The following POTEC variants were observed in gnomAD, a reference collection of about 807,000 sequenced individuals.
POTEC encodes POTE ankyrin domain family member C.
Under a neutral mutation model 62.0 loss-of-function variants are expected in POTEC, and 35 were observed. The ratio of observed to expected loss-of-function variants is 0.56; its 90% confidence interval spans 0.43 to 0.75. The LOEUF (loss-of-function observed/expected upper bound fraction) is 0.75, where lower values mean the gene tolerates loss of function less well. Ranked by LOEUF, POTEC falls within the 30% of genes least tolerant of loss-of-function variation. The pLI, the probability that POTEC is intolerant of heterozygous loss-of-function variation, is 0.00. For synonymous variants in POTEC, 156 were observed against 221.5 expected (o/e 0.70, Z 2.62); for missense variants, 472 against 655.9 (o/e 0.72, Z 3.06).
chr18:14,537,512 A>G (rs976081485), intron 3 of POTEC, among the ~76,000 whole-genome samples: 3 of 152,086 alleles, frequency 2.0e-5, no homozygotes, highest in African/African-American at 4.8e-5. Context: ...TTCGTTAGGG[A>G]AAAAAAAGTT....
chr18:14,543,191 C>T lies in POTEC; in HGVS notation c.-45G>A, dbSNP rs764078720. ...GAGGCCGGTAGTAGCGAACAGATCGCGTCTACCAACCAGTTTCACCAACTA... is the reference window on the plus strand; with the variant it reads ...GAGGCCGGTAGTAGCGAACAGATCGTGTCTACCAACCAGTTTCACCAACTA... On this transcript the variant is annotated 5_prime_UTR_variant, in exon 1 of 11. Coordinates refer to ENST00000358970, the MANE Select transcript of POTEC (RefSeq NM_001137671.2). 6.2e-5 allele frequency: 100 copies of T among 1,611,570 alleles called. No homozygotes were observed. Among genetic ancestry groups the T allele is most frequent in the Middle Eastern group, 1.7e-4 (1 of 5,840 alleles).
chr18:14,540,764 G>C (rs1214548313), intron 1 of POTEC, among the ~76,000 whole-genome samples: 5 of 152,202 alleles, frequency 3.3e-5, no homozygotes, highest in African/African-American at 7.2e-5. Context: ...TACCATCAAA[G>C]TGTCTATTTG....
intron 1 of POTEC, among the ~76,000 whole-genome samples, chr18:14,542,092 AAC>A (rs201433370): frequency 0.07 from 10,582 of 151,984 alleles, 845 homozygotes; most frequent in East Asian, 0.42. Context: ...AAAAGTGATA[AAC>A]ACAGAAAAAG....
chr18:14,538,720 G>A (rs974406018), intron 1 of POTEC, among the ~76,000 whole-genome samples: 7 of 152,200 alleles, frequency 4.6e-5, no homozygotes, highest in African/African-American at 1.2e-4. Context: ...TAAGTGAAAC[G>A]ATACAATTAA....
Position 14,542,904 on chromosome 18 carries a change from G to A in POTEC, c.243C>T (p.Gly81=). ...CCRGSGTSNV[G]TSGDHDNSFM... Reference sequence around the variant, plus strand: ...AGGAGTTGTCATGGTCTCCAGAAGTGCCCACGTTGCTCGTGCCGCTCCCCC... The same window carrying A: ...AGGAGTTGTCATGGTCTCCAGAAGTACCCACGTTGCTCGTGCCGCTCCCCC... The change falls in exon 1 of 11, where the codon GGC becomes GGT. Residue 81 remains glycine, a synonymous_variant. Transcript: ENST00000358970. 1 of 1,279,962 alleles carries A rather than the reference G, an allele frequency of 7.8e-7. No homozygotes were observed. Among genetic ancestry groups the A allele is most frequent in the Non-Finnish European group, 1.1e-6 (1 of 929,500 alleles). 79.3% of individuals were successfully genotyped at this position (1,279,962 alleles called of 1,614,324 possible).
rs1291726218 is a variant in POTEC, at chr18:14,508,834, A to G, written c.*3064T>C. On this transcript the variant is annotated 3_prime_UTR_variant, in exon 11 of 11. Transcript: ENST00000358970. ...TTGAGTTTTCAGTGTTCTTGCACAG[A>G]GTCTTTTTCTCATCTTTATGGGCTT... 6.6e-6 allele frequency: 1 copy of G among 152,318 alleles called. No individual in the cohort carries two copies. The highest frequency in any genetic ancestry group is 1.5e-5 in the Non-Finnish European group (1 of 68,050). The allele number at this position is 152,318 out of a possible 1,614,324, so 9.4% of individuals were successfully genotyped here. A position where few individuals can be genotyped will look rare whatever the true frequency, so the allele number is the denominator to read the frequency against.
At chr18:14,515,302 T>C (rs1441338796) in intron 9 of POTEC, among the ~76,000 whole-genome samples, 2 of 152,164 alleles carry the variant, frequency 1.3e-5, no homozygotes, top group Non-Finnish European at 2.9e-5. Flanking sequence ...CTTCAAATTA[T>C]ACTCTAAGGC....
chr18:14,520,111 A>G (rs1910272638), intron 9 of POTEC, among the ~76,000 whole-genome samples: 1 of 152,198 alleles, frequency 6.6e-6, no homozygotes, highest in Non-Finnish European at 1.5e-5. Context: ...TCTTTTAAGG[A>G]CATCATACTT....
chr18:14,534,050 A>G (rs1350227025), intron 4 of POTEC, among the ~76,000 whole-genome samples: 2 of 145,538 alleles, frequency 1.4e-5, no homozygotes, highest in Non-Finnish European at 3.0e-5. Flanking sequence ...CATTAGGTAT[A>G]TCTCCCAATG....
chr18:14,511,922 C>T lies in POTEC; in HGVS notation c.1605G>A (p.Met535Ile). The part of the protein sequence containing the change: ...ENSMLQEEIA[M>I]LISGDWN ...TCTAGTTCCAGTCTCCAGAAATTAG[C>T]ATGGCAATTTCTTCCTGCAACATGC... The change falls in exon 11 of 11, where the codon ATG becomes ATA. Residue 535 changes from methionine (M) to isoleucine (I), a missense_variant. Coordinates refer to ENST00000358970, the MANE Select transcript of POTEC (RefSeq NM_001137671.2). 6.2e-7 allele frequency: 1 copy of T among 1,613,868 alleles called. No individual in the cohort carries two copies. Among genetic ancestry groups the T allele is most frequent in the Non-Finnish European group, 8.5e-7 (1 of 1,179,838 alleles).
At chr18:14,513,445 C>A (rs1274328602) in intron 10 of POTEC, among the ~76,000 whole-genome samples, 1 of 151,906 alleles carries the variant, frequency 6.6e-6, no homozygotes, top group Non-Finnish European at 1.5e-5. Flanking sequence ...CTGTTGCAGG[C>A]AAATGCAGTT....
intron 1 of POTEC, among the ~76,000 whole-genome samples, chr18:14,540,816 A>G (rs948381083): frequency 7.2e-5 from 11 of 152,352 alleles, no homozygotes; most frequent in African/African-American, 2.6e-4. Flanking sequence ...TAATATAAGT[A>G]CCACTGTTCT....
Position 14,542,847 on chromosome 18 carries a change from C to G in POTEC, c.300G>C (p.Lys100Asn). 1 of 1,609,988 alleles carries G rather than the reference C, an allele frequency of 6.2e-7. No individual in the cohort carries two copies. The highest frequency in any genetic ancestry group is 8.5e-7 in the Non-Finnish European group (1 of 1,176,878). The change falls in exon 1 of 11, where the codon AAG (lysine) becomes AAC (asparagine). Residue 100 changes from lysine (K) to asparagine (N), a missense_variant. Physicochemically the swap from Lys to Asn is moderately conservative, Grantham distance 94. Around this residue, in one of 5 missense-constraint regions of POTEC, gnomAD observed 257 missense variants for 250.7 expected, o/e 1.03. Coordinates refer to ENST00000358970, the MANE Select transcript of POTEC (RefSeq NM_001137671.2). ...AGCAGGGGAAGCAGTGACAGCACCA[C>G]TTGCCCATCTTGCTCCTGAGCGTCT... Reference protein sequence around the residue: ...FMKTLRSKMGKWCCHCFPCCR... With the variant: ...FMKTLRSKMGNWCCHCFPCCR...
At chr18:14,526,430 CT>C (rs1910439344) in intron 6 of POTEC, among the ~76,000 whole-genome samples, 2 of 152,078 alleles carry the variant, frequency 1.3e-5, no homozygotes, top group Admixed American at 1.3e-4. Context: ...CTTTATTTTA[CT>C]CAGAAATTTC....
chr18:14,527,059 T>C (rs561019578), intron 6 of POTEC, among the ~76,000 whole-genome samples: 3 of 152,220 alleles, frequency 2.0e-5, no homozygotes, highest in East Asian at 3.9e-4. Context: ...TTATAGTGTA[T>C]ATGAATATAA....
intron 4 of POTEC, among the ~76,000 whole-genome samples, 181 bp from the exon 5 acceptor site, chr18:14,533,379 G>A (rs1302876596): frequency 2.0e-5 from 3 of 152,090 alleles, no homozygotes; most frequent in Admixed American, 2.0e-4. Context: ...TACCACCAAG[G>A]TTAAAAGGAA....
rs901348634 is a variant in POTEC at position 14,508,732 on chromosome 18, C to T, written c.*3166G>A. 2 of 152,624 alleles carry T rather than the reference C, an allele frequency of 1.3e-5. No homozygotes were observed. The highest frequency in any genetic ancestry group is 2.9e-5 in the Non-Finnish European group (2 of 68,044). 9.5% of individuals were successfully genotyped at this position (152,624 alleles called of 1,614,324 possible). On this transcript the variant is annotated 3_prime_UTR_variant, in exon 11 of 11. Coordinates refer to ENST00000358970, the MANE Select transcript of POTEC (RefSeq NM_001137671.2). ...ACTCTGCTTGTATCATTTCAGACAT[C>T]TCAGCCTCAGCCCAGTTCTGAACAC...
intron 3 of POTEC, among the ~76,000 whole-genome samples, chr18:14,537,520 G>T (rs1447909524): frequency 6.6e-6 from 1 of 151,108 alleles, no homozygotes; most frequent in East Asian, 1.9e-4. Flanking sequence ...GGAAAAAAAA[G>T]TTGGCAGGGA....
intron 6 of POTEC, among the ~76,000 whole-genome samples, chr18:14,525,686 C>G (rs1020943278): frequency 1.5e-4 from 23 of 151,762 alleles, no homozygotes; most frequent in African/African-American, 5.3e-4. Flanking sequence ...GTTCAGGGCT[C>G]AGGTTTTTGA....
Sources: gnomAD v4.1 joint callset for allele counts (sites outside exome capture counted in the v4.1 genomes callset) on GRCh38, gnomAD v4.1.1 for gene constraint, gnomAD v4.1.1 regional missense constraint, MANE v1.5 for transcripts, NCBI Gene and HGNC (gene_info 2026-07-23, HGNC 2026-07-21) for gene names.